MKNK1: variants seen among roughly 807,000 people sequenced by gnomAD.
MKNK1 encodes MAPK interacting serine/threonine kinase 1, also known as MAP kinase-interacting serine/threonine-protein kinase 1.
A neutral mutation model predicts 49.3 loss-of-function variants in MKNK1; 30 were observed. The ratio of observed to expected loss-of-function variants is 0.61; its 90% confidence interval spans 0.46 to 0.83. MKNK1 has a LOEUF of 0.83. Ranked by LOEUF, MKNK1 falls within the 40% of genes least tolerant of loss-of-function variation. The probability of loss-of-function intolerance (pLI) is 0.00; values close to 1 mark genes in which losing one functional copy is unlikely to be tolerated. For synonymous variants in MKNK1, 176 were observed against 201.7 expected, an observed-to-expected ratio of 0.87 and a Z score of 1.08; for missense variants, 423 against 524.7, an observed-to-expected ratio of 0.81 and a Z score of 1.89.
intron 2 of MKNK1, among the ~76,000 whole-genome samples, chr1:46,591,708 A>G (rs1174669175): frequency 6.6e-6 from 1 of 152,164 alleles, no homozygotes; most frequent in African/African-American, 2.4e-5. Context: ...CAACACAGCC[A>G]TTGTTTCATG....
chr1:46,567,761 T>C (rs1669326476), intron 8 of MKNK1, among the ~76,000 whole-genome samples: 1 of 152,202 alleles, frequency 6.6e-6, no homozygotes, highest in African/African-American at 2.4e-5. Context: ...AAATCTCTCC[T>C]AATAAACACA....
chr1:46,603,277 C>T (rs930710521), intron 1 of MKNK1, among the ~76,000 whole-genome samples: 2 of 152,178 alleles, frequency 1.3e-5, no homozygotes, highest in Admixed American at 6.5e-5. Context: ...ATGTGCCTGG[C>T]GCATGGGCAG....
In MKNK1 at chr1:46,558,719, G is replaced by A. The variant is rs752571512; in HGVS notation, c.1095C>T (p.Asn365=). The A allele has an allele frequency of 1.9e-5, 31 of 1,614,128 alleles. No individual in the cohort carries two copies. The highest frequency in any genetic ancestry group is 2.7e-5 in the African/African-American group (2 of 74,952). Residue 365 remains asparagine (N), a synonymous_variant, in exon 13 of 13, where the codon AAC becomes AAT. Transcript: ENST00000371945. ...LNRQLSQHEE[N]ELAEEPEALA... is the part of the protein sequence containing the mutation. The stretch of plus-strand genomic sequence containing the variant: ...GTGCCTCTGGCTCCTCTGCTAGTTC[G>A]TTCTCTTCGTGCTGAGATAGCTGGC...
At chr1:46,586,377 G>C (rs1199878984) in intron 2 of MKNK1, 1 of 185,204 alleles carries the variant, frequency 5.4e-6, no homozygotes, top group East Asian at 1.3e-4. Context: ...TGCAAATGGA[G>C]GGTGTTACTG....
intron 4 of MKNK1, among the ~76,000 whole-genome samples, chr1:46,579,996 G>C (rs1035491642): frequency 3.9e-5 from 6 of 152,070 alleles, no homozygotes; most frequent in Admixed American, 3.9e-4. Context: ...TTTGTGACGT[G>C]TAAAGTGTTT....
At chr1:46,566,437 G>A (rs986152180) in intron 8 of MKNK1, among the ~76,000 whole-genome samples, 5 of 152,298 alleles carry the variant, frequency 3.3e-5, no homozygotes, top group African/African-American at 4.8e-5. Flanking sequence ...CTTTTTGGCT[G>A]TTGTGAACAA....
At chr1:46,582,818 G>A in intron 3 of MKNK1, 1 of 461,564 alleles carries the variant, frequency 2.2e-6, no homozygotes, top group Non-Finnish European at 4.3e-6. Context: ...GCTTACAGGA[G>A]ACTGAAGTTT....
intron 1 of MKNK1, among the ~76,000 whole-genome samples, chr1:46,601,275 A>G (rs1243868393): frequency 6.6e-6 from 1 of 152,198 alleles, no homozygotes; most frequent in Non-Finnish European, 1.5e-5. Flanking sequence ...GCGGAACCAG[A>G]TGGTTGGTTT....
Position 46,583,332 on chromosome 1 carries a change from A to C in MKNK1, c.-2-3T>G, listed in dbSNP as rs1050054364. 1.9e-6 allele frequency: 3 copies of C among 1,594,330 alleles called. No individual in the cohort carries two copies. Among genetic ancestry groups the C allele is most frequent in the Admixed American group, 1.7e-5 (1 of 59,866 alleles). On this transcript the variant is annotated splice_polypyrimidine_tract_variant and splice_region_variant and intron_variant, in intron 2 of 12. Coordinates refer to ENST00000371945, the MANE Select transcript of MKNK1 (RefSeq NM_001135553.4). Reference sequence around the variant, plus strand: ...AAGGGGTTCGCTACTGCCCATCTCTAGGAGATAAGAGGAGATGTAAGGGAA... The same window carrying C: ...AAGGGGTTCGCTACTGCCCATCTCTCGGAGATAAGAGGAGATGTAAGGGAA...
intron 7 of MKNK1, 48 bp from the exon 8 acceptor site, chr1:46,568,546 T>A: frequency 6.5e-7 from 1 of 1,531,348 alleles, no homozygotes; most frequent in East Asian, 2.2e-5. Flanking sequence ...CAGATAATTA[T>A]CAAACATTCC....
In MKNK1 at chr1:46,577,466, G is replaced by C. The variant is rs192478816; in HGVS notation, c.199-812C>G. ...ATTGCACTCCAGCCTAAGTAACAGA[G>C]AGACTCCATCTCAAAAAATAAATAA... On this transcript the variant is annotated intron_variant, in intron 4 of 12. Transcript: ENST00000371945. Among the ~76,000 whole-genome samples the C allele has an allele frequency of 7.9e-5, 12 of 152,116 alleles. No homozygotes were observed. In the East Asian group the frequency reaches 2.3e-3, roughly 29 times the overall value.
At chr1:46,597,591 T>C (rs868728200) in intron 1 of MKNK1, among the ~76,000 whole-genome samples, 3 of 152,236 alleles carry the variant, frequency 2.0e-5, no homozygotes, top group Non-Finnish European at 1.5e-5. Flanking sequence ...AGGGACTGTA[T>C]TTCCACCTGA....
intron 4 of MKNK1, among the ~76,000 whole-genome samples, chr1:46,577,840 C>T (rs539712275): frequency 2.4e-4 from 36 of 152,346 alleles, no homozygotes; most frequent in African/African-American, 8.4e-4. Context: ...CACTGCACAC[C>T]GAGCCTGTGA....
At chr1:46,566,400 G>T (rs1669073270) in intron 8 of MKNK1, among the ~76,000 whole-genome samples, 1 of 152,182 alleles carries the variant, frequency 6.6e-6, no homozygotes. Flanking sequence ...CTGTTCAGCT[G>T]CTGATGACCA....
chr1:46,573,656 G>A (rs1241342234), intron 6 of MKNK1: 1 of 152,098 alleles, frequency 6.6e-6, no homozygotes, highest in Non-Finnish European at 1.5e-5. Flanking sequence ...TCATGACTAG[G>A]TCCTAGCTTG....
intron 7 of MKNK1, among the ~76,000 whole-genome samples, chr1:46,571,116 G>T (rs149433757): frequency 1.1e-3 from 172 of 152,334 alleles, no homozygotes; most frequent in African/African-American, 3.9e-3. Flanking sequence ...TTTGTGGAAA[G>T]ATTTAATTCA....
chr1:46,600,499 A>C (rs1305821129), intron 1 of MKNK1, among the ~76,000 whole-genome samples: 1 of 152,224 alleles, frequency 6.6e-6, no homozygotes, highest in African/African-American at 2.4e-5. Flanking sequence ...CTAAACTAAG[A>C]TCCGCTAATA....
intron 8 of MKNK1, among the ~76,000 whole-genome samples, chr1:46,565,605 C>G (rs1045382095): frequency 2.6e-5 from 4 of 152,162 alleles, no homozygotes; most frequent in Admixed American, 2.6e-4. Flanking sequence ...TCAGTTTAAA[C>G]ACGGAAACTC....
In MKNK1 at chr1:46,558,764, A is replaced by G. The variant is rs200104461; in HGVS notation, c.1050T>C (p.Ala350=). Residue 350 remains alanine (A), a synonymous_variant, in exon 13 of 13, where the codon GCT becomes GCC. Coordinates refer to ENST00000371945, the MANE Select transcript of MKNK1 (RefSeq NM_001135553.4). ...SSTMDLTLFA[A]EAIALNRQLS... is the part of the protein sequence containing the mutation. ...GCTGGCGGTTAAGGGCGATGGCCTC[A>G]GCTGCGAAGAGCGTCAGGTCCATTG... 122 of 1,614,036 alleles carry G rather than the reference A, an allele frequency of 7.6e-5. No individual in the cohort carries two copies. The highest frequency in any genetic ancestry group is 1.6e-5 in the Non-Finnish European group (19 of 1,180,026).
Sources: gnomAD v4.1 joint callset for allele counts (sites outside exome capture counted in the v4.1 genomes callset) on GRCh38, gnomAD v4.1.1 for gene constraint, MANE v1.5 for transcripts, NCBI Gene and HGNC (gene_info 2026-07-23, HGNC 2026-07-21) for gene names.